Variants in PTPN2 observed in about 807,000 individuals in gnomAD.
PTPN2 encodes tyrosine-protein phosphatase non-receptor type 2.
PTPN2 carries 19 observed loss-of-function variants against 57.3 expected under a neutral mutation model. That is an observed-to-expected ratio of 0.33 (90% CI 0.23 to 0.49). The LOEUF is 0.49. Ranked by LOEUF, PTPN2 falls within the 20% of genes least tolerant of loss-of-function variation. The probability of loss-of-function intolerance (pLI) is 0.99; values close to 1 mark genes in which losing one functional copy is unlikely to be tolerated. For synonymous variants in PTPN2, 153 were observed against 164.9 expected (o/e 0.93, Z 0.55); for missense variants, 358 against 501.1 (o/e 0.71, Z 2.73).
At chr18:12,799,600 T>C (rs2145239286) in intron 8 of PTPN2, among the ~76,000 whole-genome samples, 1 of 151,992 alleles carries the variant, frequency 6.6e-6, no homozygotes, top group African/African-American at 2.4e-5. Context: ...TTTTTTTTTT[T>C]TGAGATAAGA....
At chr18:12,807,586 A>AATATATATATATAT (rs1339941310) in intron 7 of PTPN2, among the ~76,000 whole-genome samples, 2 of 35,190 alleles carry the variant, frequency 5.7e-5, no homozygotes, top group East Asian at 1.4e-3. Flanking sequence ...AAAAAAAAAA[A>AATATATATATATAT]ATATATATAT....
intron 1 of PTPN2, among the ~76,000 whole-genome samples, chr18:12,870,499 A>AGAGAGAGAGAGAGAGAG (rs1568170265): frequency 3.4e-5 from 3 of 87,688 alleles, no homozygotes; most frequent in East Asian, 5.8e-4. Flanking sequence ...AGAGAGAGAG[A>AGAGAGAGAGAGAGAGAG]AAAGCGTGTT....
chr18:12,855,961 A>T (rs1393655069), intron 2 of PTPN2, among the ~76,000 whole-genome samples: 1 of 152,242 alleles, frequency 6.6e-6, no homozygotes, highest in Admixed American at 6.5e-5. Context: ...AGTCAACTAA[A>T]GATCCTGCTG....
At chr18:12,871,284 A>G (rs1421375220) in intron 1 of PTPN2, among the ~76,000 whole-genome samples, 1 of 152,340 alleles carries the variant, frequency 6.6e-6, no homozygotes, top group East Asian at 1.9e-4. Flanking sequence ...AGCTATATCA[A>G]TGTATACTGT....
intron 2 of PTPN2, among the ~76,000 whole-genome samples, chr18:12,854,733 G>T (rs2043524479): frequency 6.6e-6 from 1 of 152,214 alleles, no homozygotes; most frequent in Non-Finnish European, 1.5e-5. Flanking sequence ...ATTCATCCAA[G>T]TGTTACAGTG....
At chr18:12,883,983 A>G in intron 1 of PTPN2, 90 bp downstream of exon 1, 2 of 1,160,764 alleles carry the variant, frequency 1.7e-6, no homozygotes, top group East Asian at 5.9e-5. Context: ...TAGAGGCGAG[A>G]GGCGGGGGAG....
At chr18:12,837,014 T>C (rs148955134) in intron 2 of PTPN2, 123 bp from the exon 3 acceptor site, 43 of 646,614 alleles carry the variant, frequency 6.7e-5, no homozygotes, top group African/African-American at 5.9e-4. Context: ...AGCATCATAA[T>C]AGAGTTGAGA....
intron 1 of PTPN2, among the ~76,000 whole-genome samples, chr18:12,868,137 A>C (rs2145501252): frequency 6.6e-6 from 1 of 152,364 alleles, no homozygotes; most frequent in Admixed American, 6.5e-5. Flanking sequence ...CGCTTTGGTC[A>C]CTTCAATGAT....
intron 8 of PTPN2, 118 bp downstream of exon 8, chr18:12,801,852 A>G (rs1427726167): frequency 9.9e-7 from 1 of 1,007,028 alleles, no homozygotes; most frequent in Admixed American, 2.4e-5. Flanking sequence ...TACAGGCGTG[A>G]TTGTATTTTC....
In PTPN2 at chr18:12,826,228, CCCTGTCT is replaced by C. The variant is rs2042451745; in HGVS notation, c.361-291_361-285del. ...GACCAACCTGGCTAATATGGTGAAA[CCCTGTCT>C]CTACTAAAAATACAAAAACTAGCTA... On this transcript the variant is annotated intron_variant, in intron 4 of 8. Transcript: ENST00000309660. Among the ~76,000 whole-genome samples, 3 of 152,098 alleles carry C rather than the reference CCCTGTCT, an allele frequency of 2.0e-5. No individual in the cohort carries two copies. In the South Asian group the frequency reaches 6.2e-4, roughly 32 times the overall value.
At chr18:12,835,189 A>C (rs147322723) in intron 3 of PTPN2, among the ~76,000 whole-genome samples, 4 of 152,330 alleles carry the variant, frequency 2.6e-5, no homozygotes, top group African/African-American at 7.2e-5. Flanking sequence ...TAGTAGTTTA[A>C]AATACAAATG....
chr18:12,792,421 TACA>T lies in PTPN2; in HGVS notation c.*1854_*1856del, dbSNP rs1057176422. 1.2e-5 allele frequency: 2 copies of T among 172,622 alleles called. No homozygotes were observed. Among genetic ancestry groups the T allele is most frequent in the African/African-American group, 4.8e-5 (2 of 41,684 alleles). The allele number at this position is 172,622 out of a possible 1,614,324, so 10.7% of individuals were successfully genotyped here. A position where few individuals can be genotyped will look rare whatever the true frequency, so the allele number is the denominator to read the frequency against. On this transcript the variant is annotated 3_prime_UTR_variant, in exon 9 of 9. Coordinates refer to ENST00000309660, the MANE Select transcript of PTPN2 (RefSeq NM_002828.4). ...CCTTAGCCTCCCAAGGAGCTGGGACTACAGGCATGCACCACCACGCCCAGATAA... is the reference window on the plus strand; with the variant it reads ...CCTTAGCCTCCCAAGGAGCTGGGACTGGCATGCACCACCACGCCCAGATAA...
chr18:12,809,902 C>T (rs1208311118), intron 7 of PTPN2, among the ~76,000 whole-genome samples: 1 of 152,188 alleles, frequency 6.6e-6, no homozygotes. Flanking sequence ...AAAAGGCACG[C>T]CTGGCACAGT....
chr18:12,802,174 A>G, intron 7 of PTPN2, 23 bp from the exon 8 acceptor site: 1 of 1,488,774 alleles, frequency 6.7e-7, no homozygotes, highest in Non-Finnish European at 9.1e-7. Context: ...GAGAAATGAA[A>G]AACAAATGCA....
At chr18:12,838,881 CACAT>C (rs969723054) in intron 2 of PTPN2, among the ~76,000 whole-genome samples, 4 of 150,452 alleles carry the variant, frequency 2.7e-5, no homozygotes, top group Non-Finnish European at 5.9e-5. Flanking sequence ...TTAAGAAAAA[CACAT>C]ACAAAGGAAA....
chr18:12,836,706 C>A, intron 3 of PTPN2, 85 bp downstream of exon 3: 2 of 812,884 alleles, frequency 2.5e-6, no homozygotes, highest in South Asian at 1.8e-5. Context: ...CAAAAGAAGT[C>A]AAGATATACT....
intron 1 of PTPN2, chr18:12,869,137 G>A (rs2044098764): frequency 6.6e-6 from 1 of 152,198 alleles, no homozygotes; most frequent in Non-Finnish European, 1.5e-5. Flanking sequence ...GAAAAAGAGA[G>A]ACGCCGTCTC....
intron 1 of PTPN2, among the ~76,000 whole-genome samples, chr18:12,859,865 G>A (rs931806995): frequency 2.4e-4 from 36 of 152,156 alleles, no homozygotes; most frequent in African/African-American, 8.2e-4. Context: ...TAAATGTTCA[G>A]CAACAAGCCT....
intron 2 of PTPN2, among the ~76,000 whole-genome samples, chr18:12,842,107 T>C (rs1386296709): frequency 2.0e-5 from 3 of 152,116 alleles, no homozygotes; most frequent in Non-Finnish European, 4.4e-5. Context: ...GGTTTCTCCA[T>C]GTTGGTCAGG....
Sources: allele counts gnomAD v4.1 joint callset (sites outside exome capture counted in the v4.1 genomes callset), GRCh38; gene constraint gnomAD v4.1.1; transcripts MANE v1.5; gene names NCBI Gene and HGNC (gene_info 2026-07-23, HGNC 2026-07-21).